Variants in VRK1 observed in about 807,000 individuals in gnomAD.
The protein encoded by VRK1 is serine/threonine-protein kinase VRK1.
Under a neutral mutation model 57.1 loss-of-function variants are expected in VRK1, and 33 were observed. The observed-to-expected ratio is 0.58, with a 90% CI of 0.44 to 0.77. The LOEUF (loss-of-function observed/expected upper bound fraction) is 0.77. Ranked by LOEUF, VRK1 falls within the 30% of genes least tolerant of loss-of-function variation. The pLI is 0.00. For missense variants in VRK1, 413 were observed against 477.3 expected (o/e 0.87, Z 1.25); for synonymous variants, 137 against 147.8 (o/e 0.93, Z 0.53).
At chr14:96,877,437 T>C (rs890006829) in intron 12 of VRK1, 8 of 1,220,764 alleles carry the variant, frequency 6.6e-6, no homozygotes, top group Non-Finnish European at 8.6e-6. Context: ...TTTTTCCCGC[T>C]GCTGTCTTCC....
chr14:96,856,297 A>G (rs140277519), intron 9 of VRK1, 47 bp downstream of exon 9: 2 of 1,601,134 alleles, frequency 1.2e-6, no homozygotes, highest in Non-Finnish European at 1.7e-6. Flanking sequence ...GATAAGCCAA[A>G]TGTTTTTAGT....
At chr14:96,855,446 T>C in intron 8 of VRK1, 90 bp downstream of exon 8, 4 of 1,594,068 alleles carry the variant, frequency 2.5e-6, no homozygotes, top group East Asian at 2.3e-5. Context: ...AGTAAATGAA[T>C]AGATAAATAA....
chr14:96,797,771 C>T (rs1380030520), intron 1 of VRK1, among the ~76,000 whole-genome samples: 6 of 152,220 alleles, frequency 3.9e-5, no homozygotes, highest in Non-Finnish European at 8.8e-5. Flanking sequence ...CAAACGCCGC[C>T]TCGGGCCTCA....
intron 2 of VRK1, among the ~76,000 whole-genome samples, chr14:96,834,064 C>T (rs1020036784): frequency 2.6e-5 from 4 of 152,156 alleles, no homozygotes; most frequent in African/African-American, 9.7e-5. Context: ...CATACTGGAA[C>T]TAGGAGAATT....
At chr14:96,829,783 A>G (rs1393961276) in intron 1 of VRK1, among the ~76,000 whole-genome samples, 4 of 152,118 alleles carry the variant, frequency 2.6e-5, no homozygotes, top group Non-Finnish European at 4.4e-5. Context: ...ACATTTGCCC[A>G]TTATATACTC....
intron 7 of VRK1, among the ~76,000 whole-genome samples, chr14:96,853,816 T>C (rs1595675264): frequency 6.6e-6 from 1 of 152,132 alleles, no homozygotes; most frequent in East Asian, 1.9e-4. Context: ...TAAGGTTTAG[T>C]TGACATTCAT....
At chr14:96,833,402 A>G in intron 1 of VRK1, 65 bp from the exon 2 acceptor site, 3 of 1,596,078 alleles carry the variant, frequency 1.9e-6, no homozygotes, top group African/African-American at 1.3e-5. Context: ...AGTTTTCCTT[A>G]GGGAAAAATG....
chr14:96,848,617 T>C (rs922946241), intron 5 of VRK1, among the ~76,000 whole-genome samples: 7 of 152,206 alleles, frequency 4.6e-5, no homozygotes, highest in Non-Finnish European at 8.8e-5. Context: ...TTATAGTTTT[T>C]ATAATATTTT....
At chr14:96,850,193 C>G (rs1410475721) in intron 5 of VRK1, among the ~76,000 whole-genome samples, 1 of 152,130 alleles carries the variant, frequency 6.6e-6, no homozygotes, top group Non-Finnish European at 1.5e-5. Flanking sequence ...CATTATAGGT[C>G]TTAGAAAGTA....
intron 1 of VRK1, among the ~76,000 whole-genome samples, chr14:96,832,114 T>A (rs1340490734): frequency 2.4e-4 from 1 of 4,158 alleles, no homozygotes; most frequent in African/African-American, 3.6e-4. Context: ...TAGGAAAAAA[T>A]TCAATTTAAA....
intron 12 of VRK1, among the ~76,000 whole-genome samples, chr14:96,879,648 G>C (rs1378043858): frequency 6.6e-6 from 1 of 152,038 alleles, no homozygotes; most frequent in African/African-American, 2.4e-5. Context: ...CTTGAAATAG[G>C]CCGGGCGCAG....
intron 5 of VRK1, among the ~76,000 whole-genome samples, chr14:96,850,331 T>C (rs1454952709): frequency 6.6e-6 from 1 of 152,230 alleles, no homozygotes; most frequent in Admixed American, 6.5e-5. Flanking sequence ...CATTATTAAA[T>C]TATTTTACAC....
rs775565899 is a variant in VRK1, at chr14:96,855,304, A to T, written c.657A>T (p.Arg219Ser). 3 of 1,613,976 alleles carry T rather than the reference A, an allele frequency of 1.9e-6. No homozygotes were observed. Among genetic ancestry groups the T allele is most frequent in the African/African-American group, 1.3e-5 (1 of 74,922 alleles). The change falls in exon 8 of 13, where the codon AGA (arginine) becomes AGT (serine). Residue 219 changes from arginine (R) to serine (S), a missense_variant. This residue lies in a region of VRK1 where 151 missense variants were observed against 225.5 expected (regional missense o/e 0.67). Transcript: ENST00000216639. ...AAGAATACAAAGAAGACCCCAAAAG[A>T]TGTCACGATGGCACTATTGAATTCA... ...VHKEYKEDPK[R>S]CHDGTIEFTS...
intron 1 of VRK1, among the ~76,000 whole-genome samples, chr14:96,806,473 T>C (rs1885882880): frequency 6.6e-6 from 1 of 152,228 alleles, no homozygotes; most frequent in East Asian, 1.9e-4. Flanking sequence ...TCATTTCTTT[T>C]CCAGAGTGTG....
chr14:96,852,951 A>C lies in VRK1; in HGVS notation c.483+12A>C. The C allele has an allele frequency of 2.5e-6, 4 of 1,612,302 alleles. No homozygotes were observed. The South Asian group carries it at 4.4e-5, about 18-fold the overall frequency. The stretch of plus-strand genomic sequence containing the variant: ...TAAGCTTAAGAATTGTATGTGAGCT[A>C]TGTTCTTCTTGTTTTTAAAAAATTG... On this transcript the variant is annotated intron_variant, in intron 6 of 12. Coordinates refer to ENST00000216639, the MANE Select transcript of VRK1 (RefSeq NM_003384.3).
In VRK1 at chr14:96,852,982, A is replaced by T. The variant is rs745527178; in HGVS notation, c.483+43A>T. 10 of 1,606,814 alleles carry T rather than the reference A, an allele frequency of 6.2e-6. No homozygotes were observed. In the Admixed American group the frequency reaches 1.7e-4, roughly 27 times the overall value. ...TTCTTGTTTTTAAAAAATTGTTTTGAGTACAGTAAAGGCTAGTTTATGTTG... is the reference window on the plus strand; with the variant it reads ...TTCTTGTTTTTAAAAAATTGTTTTGTGTACAGTAAAGGCTAGTTTATGTTG... On this transcript the variant is annotated intron_variant, in intron 6 of 12. Coordinates refer to ENST00000216639, the MANE Select transcript of VRK1 (RefSeq NM_003384.3).
At chr14:96,817,223 C>G (rs529302003) in intron 1 of VRK1, among the ~76,000 whole-genome samples, 2 of 152,086 alleles carry the variant, frequency 1.3e-5, no homozygotes, top group East Asian at 3.9e-4. Flanking sequence ...ATTTCTTTTT[C>G]TGTGAGTGTG....
intron 5 of VRK1, 49 bp from the exon 6 acceptor site, chr14:96,852,782 G>T: frequency 1.3e-6 from 2 of 1,481,536 alleles, no homozygotes; most frequent in Non-Finnish European, 1.9e-6. Context: ...TACAAAGTTG[G>T]TTTTCTTGCA....
intron 1 of VRK1, among the ~76,000 whole-genome samples, chr14:96,822,337 A>G (rs1285910792): frequency 6.6e-6 from 1 of 152,132 alleles, no homozygotes; most frequent in Non-Finnish European, 1.5e-5. Flanking sequence ...GGGACTCAGT[A>G]TTGTTTTTAT....
Sources: allele counts gnomAD v4.1 joint callset (sites outside exome capture counted in the v4.1 genomes callset), GRCh38; gene constraint gnomAD v4.1.1; regional missense constraint gnomAD v4.1.1; transcripts MANE v1.5; gene names NCBI Gene and HGNC (gene_info 2026-07-23, HGNC 2026-07-21).